Variants in FAM178B observed in about 807,000 individuals in gnomAD.
FAM178B encodes the protein family with sequence similarity 178 member B, also known as protein FAM178B.
In FAM178B, 82 loss-of-function variants were observed where a neutral mutation model predicts 91.7. The observed-to-expected ratio is 0.89, with a 90% CI of 0.75 to 1.07. The LOEUF is 1.07. Among genes scored for constraint, FAM178B ranks in the 50% least tolerant of loss-of-function variants. The pLI, the probability that FAM178B is intolerant of heterozygous loss-of-function variation, is 0.00. For synonymous variants in FAM178B, 368 were observed against 359.4 expected, an observed-to-expected ratio of 1.02 and a Z score of -0.27; for missense variants, 769 against 846.7, an observed-to-expected ratio of 0.91 and a Z score of 1.14.
chr2:96,907,396 CCCT>C, intron 12 of FAM178B, among the ~76,000 whole-genome samples: 1 of 152,292 alleles, frequency 6.6e-6, no homozygotes. Context: ...TGTGGGCTCT[CCCT>C]CCCATAGAAG....
chr2:96,942,032 A>G (rs1014630629), intron 8 of FAM178B, among the ~76,000 whole-genome samples: 2 of 152,272 alleles, frequency 1.3e-5, no homozygotes, highest in African/African-American at 2.4e-5. Context: ...CAGCAGGTTA[A>G]TATATACAAA....
chr2:96,929,262 G>C lies in FAM178B; in HGVS notation c.1137C>G (p.Ser379Arg). 1 of 1,551,696 alleles carries C rather than the reference G, an allele frequency of 6.4e-7. No homozygotes were observed. Among genetic ancestry groups the C allele is most frequent in the Non-Finnish European group, 8.7e-7 (1 of 1,146,960 alleles). The change falls in exon 9 of 17, where the codon AGC becomes AGG. Residue 379 changes from serine to arginine, a missense_variant. Transcript: ENST00000490605. ...ACAGGGCAGGACTGTGGGCACCCAGGCTGTGGAATGCCTCCCTGACTTCTT... is the reference window on the plus strand; with the variant it reads ...ACAGGGCAGGACTGTGGGCACCCAGCCTGTGGAATGCCTCCCTGACTTCTT... ...SLQEVREAFH[S>R]LGAHSPALYP...
At chr2:96,964,283 G>A (rs1293008007) in intron 5 of FAM178B, among the ~76,000 whole-genome samples, 1 of 151,880 alleles carries the variant, frequency 6.6e-6, no homozygotes, top group Non-Finnish European at 1.5e-5. Flanking sequence ...CCCATGTAAT[G>A]TGGGGATCCT....
chr2:96,893,859 G>A (rs2080741898), intron 14 of FAM178B, 67 bp downstream of exon 14: 1 of 1,551,840 alleles, frequency 6.4e-7, no homozygotes. Context: ...GGACAGCCCT[G>A]CCTTTCCCTG....
At chr2:96,970,545 T>C (rs2082203458) in intron 4 of FAM178B, among the ~76,000 whole-genome samples, 171 bp downstream of exon 4, 2 of 152,014 alleles carry the variant, frequency 1.3e-5, no homozygotes, top group African/African-American at 4.8e-5. Context: ...TCTGCCTTGG[T>C]GATGCCACCC....
chr2:96,880,906 T>A (rs1293361501), intron 14 of FAM178B, among the ~76,000 whole-genome samples: 2 of 152,152 alleles, frequency 1.3e-5, no homozygotes, highest in African/African-American at 4.8e-5. Context: ...AACTTTTTTT[T>A]AACAAGATAC....
At chr2:96,882,031 T>TC (rs2080397493) in intron 14 of FAM178B, among the ~76,000 whole-genome samples, 1 of 152,130 alleles carries the variant, frequency 6.6e-6, no homozygotes, top group Admixed American at 6.5e-5. Flanking sequence ...GAAGCTGGGT[T>TC]CCCAGTAGGG....
At chr2:96,909,425 C>A (rs562497190) in intron 12 of FAM178B, among the ~76,000 whole-genome samples, 139 of 152,148 alleles carry the variant, frequency 9.1e-4, no homozygotes, top group Non-Finnish European at 1.7e-3. Context: ...CTCCGCCAAC[C>A]TAGGTCCTCT....
intron 8 of FAM178B, among the ~76,000 whole-genome samples, chr2:96,943,885 G>GT (rs1435943105): frequency 1.4e-4 from 21 of 152,104 alleles, no homozygotes; most frequent in Non-Finnish European, 2.5e-4. Context: ...CTGCAGATGG[G>GT]TTCGCGGTGG....
At chr2:96,948,028 TAGA>T in intron 7 of FAM178B, 126 bp from the exon 8 acceptor site, 1 of 611,498 alleles carries the variant, frequency 1.6e-6, no homozygotes, top group South Asian at 2.0e-5. Context: ...GTCTGTGTGG[TAGA>T]AGGACATTGT....
intron 8 of FAM178B, among the ~76,000 whole-genome samples, chr2:96,941,794 T>C (rs2081736275): frequency 6.6e-6 from 1 of 152,216 alleles, no homozygotes; most frequent in Non-Finnish European, 1.5e-5. Flanking sequence ...CAAGCTCTAC[T>C]CCTTTCTAAA....
chr2:96,959,787 G>A (rs1459143490), intron 6 of FAM178B, among the ~76,000 whole-genome samples: 1 of 152,232 alleles, frequency 6.6e-6, no homozygotes, highest in Non-Finnish European at 1.5e-5. Flanking sequence ...ACGTGATAAT[G>A]ATCATGCATT....
intron 13 of FAM178B, chr2:96,895,107 C>T (rs746430398): frequency 7.8e-7 from 1 of 1,289,538 alleles, no homozygotes; most frequent in South Asian, 1.2e-5. Flanking sequence ...CCTGTGTCTT[C>T]AGCCCCTGCC....
At chr2:96,944,195 T>C (rs1219728370) in intron 8 of FAM178B, among the ~76,000 whole-genome samples, 1 of 147,552 alleles carries the variant, frequency 6.8e-6, no homozygotes, top group Non-Finnish European at 1.5e-5. Flanking sequence ...TGGGCCGAGA[T>C]TGTGCCACTG....
At chr2:96,960,502 C>T (rs2082064574) in intron 5 of FAM178B, 62 bp from the exon 6 acceptor site, 1 of 1,483,706 alleles carries the variant, frequency 6.7e-7, no homozygotes. Context: ...TGAGGCATGG[C>T]CATTAGCCCA....
chr2:96,922,318 G>A (rs2081355518), intron 10 of FAM178B, among the ~76,000 whole-genome samples: 1 of 152,110 alleles, frequency 6.6e-6, no homozygotes, highest in Admixed American at 6.5e-5. Flanking sequence ...GCAGCCCTTG[G>A]GGCTGCTCTG....
intron 4 of FAM178B, among the ~76,000 whole-genome samples, chr2:96,969,128 G>C (rs975556793): frequency 7.9e-5 from 12 of 152,202 alleles, no homozygotes; most frequent in Admixed American, 6.5e-5. Flanking sequence ...AGATCATTAT[G>C]CTAAATTGCC....
intron 12 of FAM178B, among the ~76,000 whole-genome samples, chr2:96,906,270 C>A (rs1215571581): frequency 1.3e-5 from 2 of 149,346 alleles, no homozygotes; most frequent in South Asian, 2.1e-4. Flanking sequence ...GGCGGCATCT[C>A]AGCTCACTGC....
Position 96,928,567 on chromosome 2 carries a change from G to A in FAM178B, c.1193+639C>T, listed in dbSNP as rs546323126. ...TGTTCCTGAGTGGATATTAGGTAAC[G>A]GGCCAAACAAGCGGCTTGAAGAGAC... On this transcript the variant is annotated intron_variant, in intron 9 of 16. Coordinates refer to ENST00000490605, the MANE Select transcript of FAM178B (RefSeq NM_001122646.3). 6.7e-4 allele frequency among the ~76,000 whole-genome samples: 102 copies of A among 152,294 alleles called. 3 individuals are homozygous for A. The South Asian group carries it at 0.02, about 29-fold the overall frequency.
Sources: gnomAD v4.1 joint callset for allele counts (sites outside exome capture counted in the v4.1 genomes callset) on GRCh38, gnomAD v4.1.1 for gene constraint, MANE v1.5 for transcripts, NCBI Gene and HGNC (gene_info 2026-07-23, HGNC 2026-07-21) for gene names.